Variants in SEL1L2 observed in about 807,000 individuals in gnomAD.
The protein encoded by SEL1L2 is protein sel-1 homolog 2.
A neutral mutation model predicts 98.8 loss-of-function variants in SEL1L2; 89 were observed. The observed-to-expected ratio is 0.90, with a 90% CI of 0.76 to 1.07. SEL1L2 has a LOEUF of 1.07. Among genes scored for constraint, SEL1L2 ranks in the 50% least tolerant of loss-of-function variants. The pLI is 0.00. For synonymous variants in SEL1L2, 262 were observed against 278.5 expected, an observed-to-expected ratio of 0.94 and a Z score of 0.59; for missense variants, 788 against 812.0, an observed-to-expected ratio of 0.97 and a Z score of 0.36.
intron 1 of SEL1L2, among the ~76,000 whole-genome samples, chr20:13,964,724 C>A (rs1019321616): frequency 6.6e-6 from 1 of 151,562 alleles, no homozygotes; most frequent in Non-Finnish European, 1.5e-5. Context: ...AAAGTGCTGG[C>A]GGCCATCTCT....
At chr20:13,970,792 A>G (rs1298475414) in intron 1 of SEL1L2, among the ~76,000 whole-genome samples, 1 of 152,066 alleles carries the variant, frequency 6.6e-6, no homozygotes, top group African/African-American at 2.4e-5. Context: ...AGGTTGTGCC[A>G]TTGCACTCCA....
intron 12 of SEL1L2, among the ~76,000 whole-genome samples, chr20:13,874,138 G>T (rs1283392643): frequency 6.6e-6 from 1 of 152,196 alleles, no homozygotes; most frequent in Non-Finnish European, 1.5e-5. Context: ...CATGCTCAGG[G>T]CGCAAGAGAG....
At position 13,982,291 on chromosome 20, in the gene SEL1L2, G is replaced by A. The variant is rs746089753; in HGVS notation, c.58+8186C>T. Among the ~76,000 whole-genome samples the A allele has an allele frequency of 8.0e-4, 121 of 151,990 alleles. 1 individual carries two copies. The highest frequency in any genetic ancestry group is 2.4e-4 in the Non-Finnish European group (16 of 67,970). ...TTTGGGAGGCTGACGCAGGAGGATC[G>A]TTTGAGCTCAGGAGTTCAAGACCAG... On this transcript the variant is annotated intron_variant, in intron 1 of 19. Coordinates refer to ENST00000284951, the MANE Select transcript of SEL1L2 (RefSeq NM_025229.2).
At chr20:13,939,807 C>T (rs181110963) in intron 2 of SEL1L2, among the ~76,000 whole-genome samples, 13 of 152,198 alleles carry the variant, frequency 8.5e-5, no homozygotes, top group Admixed American at 3.9e-4. Context: ...GCTGGGATTA[C>T]AGGCACACAC....
intron 1 of SEL1L2, among the ~76,000 whole-genome samples, chr20:13,968,428 T>G (rs982573001): frequency 6.6e-6 from 1 of 152,268 alleles, no homozygotes; most frequent in Non-Finnish European, 1.5e-5. Flanking sequence ...AATGTTATTC[T>G]TATGATTAAT....
At chr20:13,939,044 T>TTTTTTG (rs1270284309) in intron 2 of SEL1L2, among the ~76,000 whole-genome samples, 7 of 129,504 alleles carry the variant, frequency 5.4e-5, no homozygotes, top group Admixed American at 4.0e-4. Flanking sequence ...TGTTTTGTTT[T>TTTTTTG]TTTTTTTTTT....
intron 3 of SEL1L2, among the ~76,000 whole-genome samples, chr20:13,930,890 C>CT (rs2049114197): frequency 1.3e-5 from 2 of 151,926 alleles, no homozygotes; most frequent in Admixed American, 6.6e-5. Flanking sequence ...ATCAACCTTC[C>CT]TTATTATCAT....
chr20:13,869,687 A>T (rs774403083), intron 13 of SEL1L2, 97 bp from the exon 14 acceptor site: 4 of 838,970 alleles, frequency 4.8e-6, no homozygotes, highest in Non-Finnish European at 8.0e-6. Context: ...ACAGTGCCCT[A>T]TGTGATTTAG....
intron 18 of SEL1L2, among the ~76,000 whole-genome samples, chr20:13,852,627 T>G (rs1988457036): frequency 6.6e-6 from 1 of 152,212 alleles, no homozygotes; most frequent in African/African-American, 2.4e-5. Context: ...GAGTTTATTT[T>G]GCTTTAAATT....
At chr20:13,936,203 T>G (rs2148344810) in intron 2 of SEL1L2, among the ~76,000 whole-genome samples, 1 of 152,278 alleles carries the variant, frequency 6.6e-6, no homozygotes, top group South Asian at 2.1e-4. Context: ...TTGAAAGAGA[T>G]CTGACCTAAC....
At chr20:13,858,276 G>A (rs907954056) in intron 18 of SEL1L2, among the ~76,000 whole-genome samples, 1 of 152,154 alleles carries the variant, frequency 6.6e-6, no homozygotes, top group South Asian at 2.1e-4. Context: ...TAGGAAAGCC[G>A]ATAATTCCCA....
At chr20:13,851,859 C>G (rs190272402) in intron 18 of SEL1L2, among the ~76,000 whole-genome samples, 1 of 149,232 alleles carries the variant, frequency 6.7e-6, no homozygotes, top group African/African-American at 2.5e-5. Flanking sequence ...TGTTTTTTTG[C>G]GGGGGGTGGG....
At chr20:13,926,523 C>T (rs1206276080) in intron 3 of SEL1L2, among the ~76,000 whole-genome samples, 1 of 151,958 alleles carries the variant, frequency 6.6e-6, no homozygotes, top group Admixed American at 6.6e-5. Flanking sequence ...GATGATCCTG[C>T]CTTCATACTG....
chr20:13,978,484 C>G (rs2051650229), intron 1 of SEL1L2, among the ~76,000 whole-genome samples: 1 of 152,048 alleles, frequency 6.6e-6, no homozygotes, highest in African/African-American at 2.4e-5. Flanking sequence ...ATTGGTACAG[C>G]CATTATGGAA....
At chr20:13,932,699 G>T (rs1033010964) in intron 2 of SEL1L2, among the ~76,000 whole-genome samples, 1 of 152,078 alleles carries the variant, frequency 6.6e-6, no homozygotes, top group South Asian at 2.1e-4. Flanking sequence ...CCAAAGTGCC[G>T]GGATTACAGG....
At chr20:13,930,314 G>A (rs1214741771) in intron 3 of SEL1L2, among the ~76,000 whole-genome samples, 1 of 152,190 alleles carries the variant, frequency 6.6e-6, no homozygotes, top group Non-Finnish European at 1.5e-5. Flanking sequence ...CTTTGTCCTT[G>A]ACTTGAGACC....
upstream of SEL1L2, among the ~76,000 whole-genome samples, chr20:13,993,410 G>A (rs2052574646): frequency 2.6e-5 from 4 of 152,140 alleles, no homozygotes; most frequent in African/African-American, 9.7e-5. Flanking sequence ...TTGGTACACG[G>A]CACATTTCAA....
At chr20:13,882,966 G>T (rs1172420813) in intron 10 of SEL1L2, among the ~76,000 whole-genome samples, 2 of 151,836 alleles carry the variant, frequency 1.3e-5, no homozygotes, top group South Asian at 4.2e-4. Flanking sequence ...ACAGGCGCCC[G>T]CCACTACGCC....
At chr20:13,924,909 C>T (rs905473263) in intron 3 of SEL1L2, among the ~76,000 whole-genome samples, 22 of 152,024 alleles carry the variant, frequency 1.4e-4, no homozygotes, top group East Asian at 5.8e-4. Context: ...GAGGCCGAGG[C>T]GGGCAGATCA....
Sources: allele counts gnomAD v4.1 joint callset (sites outside exome capture counted in the v4.1 genomes callset), GRCh38; gene constraint gnomAD v4.1.1; transcripts MANE v1.5; gene names NCBI Gene and HGNC (gene_info 2026-07-23, HGNC 2026-07-21).